NFATC1: variants seen among roughly 807,000 people sequenced by gnomAD.
NFATC1 encodes nuclear factor of activated T cells 1.
Under a neutral mutation model 76.0 loss-of-function variants are expected in NFATC1, and 22 were observed. The observed-to-expected ratio is 0.29, with a 90% CI of 0.21 to 0.41. NFATC1 has a LOEUF of 0.41. Ranked by LOEUF, NFATC1 falls within the 10% of genes least tolerant of loss-of-function variation. The pLI is 1.00. For missense variants in NFATC1, 1,357 were observed against 1,337.7 expected (o/e 1.01, Z -0.23); for synonymous variants, 704 against 613.1 (o/e 1.15, Z -2.19).
At chr18:79,435,559 G>A (rs145432729) in intron 3 of NFATC1, among the ~76,000 whole-genome samples, 7 of 152,128 alleles carry the variant, frequency 4.6e-5, no homozygotes, top group South Asian at 2.1e-4. Context: ...GGTGCCGCCC[G>A]TCTCTGCGGA....
At chr18:79,500,365 T>C (rs2089987376) in intron 9 of NFATC1, among the ~76,000 whole-genome samples, 1 of 152,016 alleles carries the variant, frequency 6.6e-6, no homozygotes, top group Admixed American at 6.5e-5. Flanking sequence ...ACACAACATA[T>C]CAAAATTTGT....
chr18:79,397,615 T>C (rs2085050647), intron 1 of NFATC1, among the ~76,000 whole-genome samples: 1 of 152,248 alleles, frequency 6.6e-6, no homozygotes, highest in African/African-American at 2.4e-5. Context: ...TTACACAATG[T>C]GCTCTTGCTA....
At chr18:79,440,657 G>A (rs2086939164) in intron 3 of NFATC1, among the ~76,000 whole-genome samples, 1 of 152,238 alleles carries the variant, frequency 6.6e-6, no homozygotes, top group African/African-American at 2.4e-5. Flanking sequence ...GGTTCTCCCG[G>A]GAAGGAGCGG....
intron 9 of NFATC1, chr18:79,498,475 G>A (rs986700761): frequency 6.6e-5 from 10 of 152,124 alleles, no homozygotes; most frequent in African/African-American, 2.4e-4. Context: ...AAAATCAACA[G>A]ATTATTTAGA....
At chr18:79,464,699 T>TATATATA (rs1568994752) in intron 7 of NFATC1, among the ~76,000 whole-genome samples, 7 of 83,814 alleles carry the variant, frequency 8.4e-5, no homozygotes, top group Non-Finnish European at 1.4e-4. Flanking sequence ...TATATATTTA[T>TATATATA]TTATTTATTT....
chr18:79,487,208 C>T (rs1479569918), intron 9 of NFATC1, among the ~76,000 whole-genome samples: 1 of 152,200 alleles, frequency 6.6e-6, no homozygotes, highest in African/African-American at 2.4e-5. Flanking sequence ...GAGACCTGTC[C>T]CGGGGTCTAA....
At position 79,449,992 on chromosome 18, in the gene NFATC1, C is replaced by T. The variant is rs569442378; in HGVS notation, c.1590-962C>T. Among the ~76,000 whole-genome samples, 9 of 152,338 alleles carry T rather than the reference C, an allele frequency of 5.9e-5. No individual in the cohort carries two copies. In the South Asian group the frequency reaches 1.7e-3, roughly 28 times the overall value. On this transcript the variant is annotated intron_variant, in intron 4 of 9. Coordinates refer to ENST00000427363, the MANE Select transcript of NFATC1 (RefSeq NM_001278669.2). ...ATTCATTCCAAATCCCTGAGTTTGC[C>T]TCGAGAGCTGTAATCCAAGTTTCCC...
chr18:79,424,761 TTCTCTGTCTC>T (rs1289420261), intron 2 of NFATC1, among the ~76,000 whole-genome samples: 4 of 139,234 alleles, frequency 2.9e-5, no homozygotes, highest in Admixed American at 7.1e-5. Context: ...CTGTCTCTGT[TTCTCTGTCTC>T]TCTCTGTCTC....
At chr18:79,452,714 G>A (rs1422622359) in intron 6 of NFATC1, among the ~76,000 whole-genome samples, 1 of 152,224 alleles carries the variant, frequency 6.6e-6, no homozygotes, top group Non-Finnish European at 1.5e-5. Flanking sequence ...CAGGCAGAGT[G>A]GGCCTGGCTC....
At chr18:79,485,720 A>T (rs2089472994) in intron 8 of NFATC1, among the ~76,000 whole-genome samples, 1 of 152,242 alleles carries the variant, frequency 6.6e-6, no homozygotes, top group Admixed American at 6.5e-5. Context: ...GGGACTCAGG[A>T]GCACCGTGGA....
At chr18:79,414,662 G>C (rs1369708132) in intron 2 of NFATC1, among the ~76,000 whole-genome samples, 1 of 152,220 alleles carries the variant, frequency 6.6e-6, no homozygotes, top group Non-Finnish European at 1.5e-5. Flanking sequence ...TATTGTCAAA[G>C]CTTGGGGGGA....
intron 1 of NFATC1, among the ~76,000 whole-genome samples, chr18:79,404,266 A>G (rs1010243199): frequency 2.0e-5 from 3 of 152,228 alleles, no homozygotes; most frequent in African/African-American, 7.2e-5. Context: ...TTTATGGAAC[A>G]TTAAATACCG....
chr18:79,482,595 C>T (rs549952548), intron 8 of NFATC1, among the ~76,000 whole-genome samples: 1 of 119,576 alleles, frequency 8.4e-6, no homozygotes, highest in Non-Finnish European at 1.7e-5. Context: ...CCTGGGGTGT[C>T]ATTCCAGCAT....
Position 79,410,463 on chromosome 18 carries a change from C to G in NFATC1, c.188C>G (p.Ser63Cys), listed in dbSNP as rs769824411. Residue 63 changes from serine (S) to cysteine (C), a missense_variant, in exon 2 of 10, where the codon TCC (serine) becomes TGC (cysteine). This residue lies in a region of NFATC1 where 691 missense variants were observed against 613.1 expected (regional missense o/e 1.13). Transcript: ENST00000427363. The surrounding 1 kb of genome is among the most constrained non-coding windows in gnomAD (Gnocchi z 6.7). Reference protein sequence around the residue: ...SPALPLPTAHSTLPAPCHNLQ... With the variant: ...SPALPLPTAHCTLPAPCHNLQ... Reference sequence around the variant, plus strand: ...GCCCTGCCGCTCCCCACGGCGCACTCCACCCTGCCGGCCCCGTGCCACAAC... The same window carrying G: ...GCCCTGCCGCTCCCCACGGCGCACTGCACCCTGCCGGCCCCGTGCCACAAC... 91 of 1,612,334 alleles carry G rather than the reference C, an allele frequency of 5.6e-5. No individual in the cohort carries two copies. The South Asian group carries it at 9.6e-4, about 17-fold the overall frequency.
chr18:79,467,550 A>C lies in NFATC1; in HGVS notation c.2060A>C (p.Gln687Pro), dbSNP rs781332726. ...TGCAACGGGAAGAGAAAGCGAAGCC[A>C]GTACCAGCGTTTCACCTACCTTCCC... ...YVCNGKRKRS[Q>P]YQRFTYLPAN... The change falls in exon 8 of 10, where the codon CAG (glutamine) becomes CCG (proline). Residue 687 changes from glutamine (Q) to proline (P), a missense_variant. Physicochemically the swap from Gln to Pro is moderately conservative, Grantham distance 76. Around this residue, in one of 3 missense-constraint regions of NFATC1, gnomAD observed 424 missense variants for 395.4 expected, o/e 1.07. Coordinates refer to ENST00000427363, the MANE Select transcript of NFATC1 (RefSeq NM_001278669.2). The C allele has an allele frequency of 6.2e-7, 1 of 1,614,018 alleles. No homozygotes were observed. The highest frequency in any genetic ancestry group is 8.5e-7 in the Non-Finnish European group (1 of 1,179,968).
chr18:79,429,152 C>T lies in NFATC1; in HGVS notation c.1227-4427C>T, dbSNP rs374083346. Among the ~76,000 whole-genome samples the T allele has an allele frequency of 1.7e-4, 24 of 143,884 alleles. No homozygotes were observed. The East Asian group carries it at 3.9e-3, about 23-fold the overall frequency. 94.4% of individuals were successfully genotyped at this position (143,884 alleles called of 152,430 possible). ...AGGAGCATTGCTTGAACCTGGGAGG[C>T]GGAGGCTGCAGTGAGCCGAGATGGC... On this transcript the variant is annotated intron_variant, in intron 2 of 9. Transcript: ENST00000427363.
At chr18:79,411,584 G>A in intron 2 of NFATC1, 83 bp downstream of exon 2, 1 of 1,066,866 alleles carries the variant, frequency 9.4e-7, no homozygotes, top group Non-Finnish European at 1.2e-6. Flanking sequence ...ACGGGGGGCG[G>A]CGCGGGGCGG....
Position 79,410,535 on chromosome 18 carries a change from C to T in NFATC1, c.260C>T (p.Ser87Leu), listed in dbSNP as rs372492742. The T allele has an allele frequency of 5.6e-5, 90 of 1,611,596 alleles. No individual in the cohort carries two copies. The highest frequency in any genetic ancestry group is 1.1e-4 in the East Asian group (5 of 44,890). ...PGIIPPADHP[S>L]GYGAALDGGP... ...ATCATCCCGCCGGCGGATCACCCCT[C>T]GGGGTACGGAGCAGCTTTGGACGGT... The change falls in exon 2 of 10, where the codon TCG becomes TTG. Residue 87 changes from serine to leucine, a missense_variant. Physicochemically the swap from Ser to Leu is moderately radical, Grantham distance 145. Around this residue, in one of 3 missense-constraint regions of NFATC1, gnomAD observed 691 missense variants for 613.1 expected, o/e 1.13. Transcript: ENST00000427363. The surrounding 1 kb of genome is among the most constrained non-coding windows in gnomAD (Gnocchi z 6.7).
At chr18:79,443,805 G>A (rs879756928) in intron 3 of NFATC1, among the ~76,000 whole-genome samples, 1 of 152,234 alleles carries the variant, frequency 6.6e-6, no homozygotes, top group Admixed American at 6.5e-5. Flanking sequence ...TCCCCAGGCT[G>A]CCCAGAGACC....
Sources: allele counts gnomAD v4.1 joint callset (sites outside exome capture counted in the v4.1 genomes callset), GRCh38; gene constraint gnomAD v4.1.1; regional missense constraint gnomAD v4.1.1; non-coding constraint Gnocchi (gnomAD v3.1); transcripts MANE v1.5; gene names NCBI Gene and HGNC (gene_info 2026-07-23, HGNC 2026-07-21).